The following ZNF521 variants were observed in gnomAD, a reference collection of about 807,000 sequenced individuals.
ZNF521 encodes LYST-interacting protein 3.
A neutral mutation model predicts 105.5 loss-of-function variants in ZNF521; 14 were observed. The ratio of observed to expected loss-of-function variants is 0.13; its 90% confidence interval spans 0.09 to 0.21. The LOEUF (loss-of-function observed/expected upper bound fraction) is 0.21, where lower values mean the gene tolerates loss of function less well. Among genes scored for constraint, ZNF521 ranks in the 10% least tolerant of loss-of-function variants. The pLI is 1.00. For synonymous variants in ZNF521, 635 were observed against 606.0 expected, an observed-to-expected ratio of 1.05 and a Z score of -0.70; for missense variants, 1,233 against 1,629.7, an observed-to-expected ratio of 0.76 and a Z score of 4.19.
intron 4 of ZNF521, among the ~76,000 whole-genome samples, chr18:25,214,977 T>G (rs1165283461): frequency 6.6e-6 from 1 of 152,086 alleles, no homozygotes; most frequent in African/African-American, 2.4e-5. Context: ...GACGAAACAC[T>G]AACCAAAATG....
At chr18:25,295,809 G>A (rs560132694) in intron 3 of ZNF521, among the ~76,000 whole-genome samples, 1 of 152,078 alleles carries the variant, frequency 6.6e-6, no homozygotes. Flanking sequence ...TTTCTCCAGG[G>A]TATGGAGATA....
At chr18:25,234,741 C>A (rs926321773) in intron 3 of ZNF521, among the ~76,000 whole-genome samples, 1 of 151,942 alleles carries the variant, frequency 6.6e-6, no homozygotes, top group Admixed American at 6.6e-5. Flanking sequence ...GTGAGAACAG[C>A]AGAAAGGAAT....
At chr18:25,163,611 C>T (rs775870778) in intron 5 of ZNF521, among the ~76,000 whole-genome samples, 26 of 152,140 alleles carry the variant, frequency 1.7e-4, no homozygotes, top group Middle Eastern at 3.2e-3. Flanking sequence ...TGGAACAGAA[C>T]GCCTGTGGTA....
At chr18:25,263,316 ACT>A (rs1909035284) in intron 3 of ZNF521, among the ~76,000 whole-genome samples, 2 of 151,468 alleles carry the variant, frequency 1.3e-5, no homozygotes, top group Admixed American at 1.3e-4. Flanking sequence ...TATCACAGTT[ACT>A]CTGATTGATG....
intron 4 of ZNF521, 36 bp downstream of exon 4, chr18:25,224,309 G>T: frequency 6.5e-7 from 1 of 1,547,054 alleles, no homozygotes; most frequent in Non-Finnish European, 8.8e-7. Context: ...GTTTCTTGAG[G>T]AGGTTAAATA....
At chr18:25,128,157 G>A (rs1201825024) in intron 5 of ZNF521, among the ~76,000 whole-genome samples, 1 of 151,664 alleles carries the variant, frequency 6.6e-6, no homozygotes, top group Non-Finnish European at 1.5e-5. Context: ...GGTATGCAAG[G>A]CAAGTTCAAC....
chr18:25,231,232 C>T (rs1427423933), intron 3 of ZNF521, among the ~76,000 whole-genome samples: 2 of 152,172 alleles, frequency 1.3e-5, no homozygotes, highest in Non-Finnish European at 2.9e-5. Flanking sequence ...GGCAGCAGAA[C>T]GGCCATATCC....
intron 3 of ZNF521, among the ~76,000 whole-genome samples, chr18:25,290,209 G>T (rs45517833): frequency 3.3e-5 from 5 of 152,170 alleles, no homozygotes; most frequent in Non-Finnish European, 5.9e-5. Context: ...TGAAGAAGGC[G>T]CTTTGATTAG....
chr18:25,173,971 GT>G (rs2035491764), intron 5 of ZNF521, among the ~76,000 whole-genome samples: 1 of 152,072 alleles, frequency 6.6e-6, no homozygotes, highest in Non-Finnish European at 1.5e-5. Flanking sequence ...CAAAAAGTAT[GT>G]TTTCCGAAAG....
chr18:25,224,211 A>G, intron 4 of ZNF521, 134 bp downstream of exon 4: 1 of 895,458 alleles, frequency 1.1e-6, no homozygotes, highest in Non-Finnish European at 1.7e-6. Flanking sequence ...TATGGGGGAA[A>G]AAGAAACCCA....
At chr18:25,183,504 C>T (rs932702753) in intron 5 of ZNF521, among the ~76,000 whole-genome samples, 12 of 152,134 alleles carry the variant, frequency 7.9e-5, no homozygotes, top group Non-Finnish European at 1.8e-4. Context: ...CCACGTTACC[C>T]TACACTTCAT....
intron 3 of ZNF521, among the ~76,000 whole-genome samples, chr18:25,246,518 T>C (rs546596404): frequency 2.9e-4 from 44 of 152,294 alleles, no homozygotes; most frequent in South Asian, 1.2e-3. Flanking sequence ...TTTTATATTG[T>C]TGTAGGCAAA....
At chr18:25,262,555 G>A (rs1908982758) in intron 3 of ZNF521, among the ~76,000 whole-genome samples, 1 of 152,134 alleles carries the variant, frequency 6.6e-6, no homozygotes, top group South Asian at 2.1e-4. Flanking sequence ...AACATTTACT[G>A]ATCATCTACT....
At chr18:25,259,772 G>A (rs1908784695) in intron 3 of ZNF521, among the ~76,000 whole-genome samples, 1 of 152,176 alleles carries the variant, frequency 6.6e-6, no homozygotes, top group Non-Finnish European at 1.5e-5. Flanking sequence ...CCCAACAGCA[G>A]TTCACAGAGA....
chr18:25,318,560 C>T (rs1054277988), intron 3 of ZNF521, among the ~76,000 whole-genome samples: 5 of 152,052 alleles, frequency 3.3e-5, no homozygotes, highest in African/African-American at 9.7e-5. Flanking sequence ...AAACTACTTA[C>T]TGTATATTCT....
chr18:25,141,902 T>C (rs1210646948), intron 5 of ZNF521, among the ~76,000 whole-genome samples: 1 of 152,156 alleles, frequency 6.6e-6, no homozygotes, highest in Non-Finnish European at 1.5e-5. Flanking sequence ...CAACATTCCA[T>C]GCGCTAGGAA....
At chr18:25,211,564 C>T (rs1222758469) in intron 4 of ZNF521, among the ~76,000 whole-genome samples, 1 of 152,132 alleles carries the variant, frequency 6.6e-6, no homozygotes, top group Non-Finnish European at 1.5e-5. Context: ...GTCAATTTCC[C>T]ATTTTCCTAT....
At chr18:25,240,288 T>G (rs1321947699) in intron 3 of ZNF521, among the ~76,000 whole-genome samples, 2 of 152,180 alleles carry the variant, frequency 1.3e-5, no homozygotes, top group African/African-American at 4.8e-5. Flanking sequence ...GAGGCACTTC[T>G]GCCTTTATCA....
chr18:25,228,704 C>T (rs1906338002), intron 3 of ZNF521, among the ~76,000 whole-genome samples: 1 of 152,178 alleles, frequency 6.6e-6, no homozygotes, highest in African/African-American at 2.4e-5. Context: ...ACAAACAAGA[C>T]TGAGAGCCAG....
Sources: allele counts gnomAD v4.1 joint callset (sites outside exome capture counted in the v4.1 genomes callset), GRCh38; gene constraint gnomAD v4.1.1; transcripts MANE v1.5; gene names NCBI Gene and HGNC (gene_info 2026-07-23, HGNC 2026-07-21).